HACD4: variants seen among roughly 807,000 people sequenced by gnomAD.
The protein encoded by HACD4 is very-long-chain (3R)-3-hydroxyacyl-CoA dehydratase 4.
A neutral mutation model predicts 33.3 loss-of-function variants in HACD4; 35 were observed. The ratio of observed to expected loss-of-function variants is 1.05; its 90% CI spans 0.80 to 1.39. The LOEUF is 1.39. HACD4 is among the 40% of genes most tolerant of loss of function. The probability of loss-of-function intolerance (pLI) is 0.00; values close to 1 mark genes in which losing one functional copy is unlikely to be tolerated. For synonymous variants in HACD4, 118 were observed against 98.0 expected, an observed-to-expected ratio of 1.20 and a Z score of -1.21; for missense variants, 323 against 276.5, an observed-to-expected ratio of 1.17 and a Z score of -1.19.
intron 1 of HACD4, among the ~76,000 whole-genome samples, chr9:21,030,510 G>C (rs774193323): frequency 3.3e-5 from 5 of 152,178 alleles, no homozygotes; most frequent in Non-Finnish European, 7.4e-5. Context: ...CAGAGTGGTT[G>C]ACATGTCACT....
chr9:21,003,869 G>T lies in HACD4; in HGVS notation c.*3168C>A, dbSNP rs952832255. The T allele has an allele frequency of 6.6e-6, 1 of 151,950 alleles. No individual in the cohort carries two copies. The highest frequency in any genetic ancestry group is 6.6e-5 in the Admixed American group (1 of 15,258). The allele number at this position is 151,950 out of a possible 1,614,324, so 9.4% of individuals were successfully genotyped here. The stretch of plus-strand genomic sequence containing the variant: ...ACAATTCAGTAATAATCCAAAACAT[G>T]AATTTTCCTTTTTAAAAAGTACTTA... On this transcript the variant is annotated 3_prime_UTR_variant, in exon 7 of 7. Coordinates refer to ENST00000495827, the MANE Select transcript of HACD4 (RefSeq NM_001010915.5).
intron 3 of HACD4, among the ~76,000 whole-genome samples, chr9:21,025,914 C>T (rs545839806): frequency 1.3e-5 from 2 of 152,306 alleles, no homozygotes; most frequent in South Asian, 4.1e-4. Flanking sequence ...TGAGAAAATG[C>T]AGTTCAGAAT....
At chr9:21,020,798 T>C (rs1434376025) in intron 3 of HACD4, among the ~76,000 whole-genome samples, 2 of 152,230 alleles carry the variant, frequency 1.3e-5, no homozygotes, top group African/African-American at 4.8e-5. Context: ...AGTCCATAAA[T>C]AGCTACGCTA....
At chr9:21,010,099 G>A (rs1241688637) in intron 5 of HACD4, among the ~76,000 whole-genome samples, 2 of 152,048 alleles carry the variant, frequency 1.3e-5, no homozygotes, top group African/African-American at 4.8e-5. Flanking sequence ...ATATACTTTG[G>A]TTATTGTTAA....
intron 1 of HACD4, among the ~76,000 whole-genome samples, chr9:21,030,391 G>A (rs976090903): frequency 2.6e-5 from 4 of 151,962 alleles, no homozygotes; most frequent in African/African-American, 4.8e-5. Flanking sequence ...GCAGTGAACC[G>A]AGACAGCGCC....
At chr9:21,009,255 C>G (rs1842351158) in intron 5 of HACD4, among the ~76,000 whole-genome samples, 1 of 152,120 alleles carries the variant, frequency 6.6e-6, no homozygotes, top group Non-Finnish European at 1.5e-5. Context: ...TTACAATTAT[C>G]TGTATTCCAC....
In HACD4 at chr9:21,005,891, T is replaced by G. The variant is rs529892775; in HGVS notation, c.*1146A>C. The G allele has an allele frequency of 2.6e-5, 4 of 152,366 alleles. No homozygotes were observed. In the South Asian group the frequency reaches 6.2e-4, roughly 24 times the overall value. 9.4% of individuals were successfully genotyped at this position (152,366 alleles called of 1,614,324 possible). On this transcript the variant is annotated 3_prime_UTR_variant, in exon 7 of 7. Transcript: ENST00000495827. This position sits in a 1 kb window ranked among gnomAD's most constrained non-coding sequence, Gnocchi z 4.0. Reference sequence around the variant, plus strand: ...GTTTCTTGCTTTGGGAATAGGAATGTCCACCCTTTGTGTGTCCCACCATTG... The same window carrying G: ...GTTTCTTGCTTTGGGAATAGGAATGGCCACCCTTTGTGTGTCCCACCATTG...
rs1276310682 is a variant in HACD4 at position 21,004,946 on chromosome 9, C to T, written c.*2091G>A. ...GATAGAGGTGATTTTGGTGAGGGCT[C>T]AAAGAGAAGAGGGTGGGAGAGAAAG... On this transcript the variant is annotated 3_prime_UTR_variant, in exon 7 of 7. Coordinates refer to ENST00000495827, the MANE Select transcript of HACD4 (RefSeq NM_001010915.5). The surrounding 1 kb of genome is among the most constrained non-coding windows in gnomAD (Gnocchi z 4.6). 2 of 151,874 alleles carry T rather than the reference C, an allele frequency of 1.3e-5. No homozygotes were observed. The highest frequency in any genetic ancestry group is 2.9e-5 in the Non-Finnish European group (2 of 67,968). The allele number at this position is 151,874 out of a possible 1,614,324, so 9.4% of individuals were successfully genotyped here.
At chr9:21,016,530 T>A (rs1238946393) in intron 3 of HACD4, among the ~76,000 whole-genome samples, 1 of 152,118 alleles carries the variant, frequency 6.6e-6, no homozygotes, top group East Asian at 1.9e-4. Context: ...GAAAAATGAA[T>A]AAGAGTTTGT....
At chr9:21,014,453 G>C (rs953996237) in intron 4 of HACD4, among the ~76,000 whole-genome samples, 1 of 152,136 alleles carries the variant, frequency 6.6e-6, no homozygotes, top group Non-Finnish European at 1.5e-5. Context: ...AGTAAAAGAC[G>C]CCTGTCACAA....
chr9:21,009,076 G>C (rs992150227), intron 5 of HACD4, among the ~76,000 whole-genome samples: 1 of 152,078 alleles, frequency 6.6e-6, no homozygotes, highest in Non-Finnish European at 1.5e-5. Flanking sequence ...ATAATTAGTT[G>C]ATTTTGTTAT....
chr9:21,018,981 G>C (rs1817830534), intron 3 of HACD4, among the ~76,000 whole-genome samples: 1 of 152,062 alleles, frequency 6.6e-6, no homozygotes, highest in Non-Finnish European at 1.5e-5. Context: ...ATTAGTTTTA[G>C]TCTAAAAGAC....
rs146478667 is a variant in HACD4, at chr9:21,007,762, A to G, written c.616+259T>C. 1.1e-4 allele frequency among the ~76,000 whole-genome samples: 17 copies of G among 152,286 alleles called. No homozygotes were observed. In the East Asian group the frequency reaches 3.1e-3, roughly 28 times the overall value. Reference sequence around the variant, plus strand: ...CTGTGCACATGGTCAAAACTTCTATATCTCATACATAATGCAGCTATATTT... The same window carrying G: ...CTGTGCACATGGTCAAAACTTCTATGTCTCATACATAATGCAGCTATATTT... On this transcript the variant is annotated intron_variant, in intron 6 of 6. Coordinates refer to ENST00000495827, the MANE Select transcript of HACD4 (RefSeq NM_001010915.5).
In HACD4 at chr9:21,031,576, C is replaced by G. The variant is rs1242076412; in HGVS notation, c.15G>C (p.Ala5=). MGPL[A]LPAWLQPRYR... ...ACCTGGGCTGCAGCCAGGCGGGCAG[C>G]GCCAAGGGCCCCATGGGCCGCCGCC... Residue 5 remains alanine (A), a synonymous_variant, in exon 1 of 7, where the codon GCG becomes GCC. Coordinates refer to ENST00000495827, the MANE Select transcript of HACD4 (RefSeq NM_001010915.5). The G allele has an allele frequency of 6.9e-7, 1 of 1,447,682 alleles. No homozygotes were observed. Among genetic ancestry groups the G allele is most frequent in the Admixed American group, 2.6e-5 (1 of 37,766 alleles). 89.7% of individuals were successfully genotyped at this position (1,447,682 alleles called of 1,614,324 possible).
chr9:21,012,693 CCAAT>C (rs1323272929), intron 4 of HACD4, among the ~76,000 whole-genome samples: 2 of 152,132 alleles, frequency 1.3e-5, no homozygotes, highest in South Asian at 4.1e-4. Flanking sequence ...TTGATCTTTA[CCAAT>C]CAAAGTGAAA....
chr9:21,031,155 C>A (rs553192595), intron 1 of HACD4, among the ~76,000 whole-genome samples: 1 of 152,106 alleles, frequency 6.6e-6, no homozygotes, highest in African/African-American at 2.4e-5. Context: ...CTGTTCCCCG[C>A]CGGAACTAGG....
rs1052436771 is a variant in HACD4, at chr9:21,006,682, G to A, written c.*355C>T. 4.0e-6 allele frequency: 1 copy of A among 251,902 alleles called. No homozygotes were observed. The highest frequency in any genetic ancestry group is 7.7e-6 in the Non-Finnish European group (1 of 130,618). The allele number at this position is 251,902 out of a possible 1,614,324, so 15.6% of individuals were successfully genotyped here. On this transcript the variant is annotated 3_prime_UTR_variant, in exon 7 of 7. Coordinates refer to ENST00000495827, the MANE Select transcript of HACD4 (RefSeq NM_001010915.5). The surrounding 1 kb of genome is among the most constrained non-coding windows in gnomAD (Gnocchi z 4.6). ...GTGAAAAAGAATACATGTAATTTAG[G>A]TTATCAAGTTTGGTTTCTTAATTTA... is the stretch of plus-strand genomic sequence containing the variant.
intron 3 of HACD4, among the ~76,000 whole-genome samples, chr9:21,025,535 C>G (rs1818040300): frequency 6.6e-6 from 1 of 152,186 alleles, no homozygotes; most frequent in Admixed American, 6.5e-5. Context: ...TAAAATTATA[C>G]TCATGTAGAT....
intron 2 of HACD4, among the ~76,000 whole-genome samples, chr9:21,028,007 C>CATGGTGGCT (rs1818106919): frequency 6.6e-6 from 1 of 151,676 alleles, no homozygotes; most frequent in Non-Finnish European, 1.5e-5. Flanking sequence ...TGGTGGCGGG[C>CATGGTGGCT]ACCTGTAATC....
Sources: allele counts gnomAD v4.1 joint callset (sites outside exome capture counted in the v4.1 genomes callset), GRCh38; gene constraint gnomAD v4.1.1; non-coding constraint Gnocchi (gnomAD v3.1); transcripts MANE v1.5; gene names NCBI Gene and HGNC (gene_info 2026-07-23, HGNC 2026-07-21).